Variants in PTPRD observed in about 807,000 individuals in gnomAD.
PTPRD encodes the protein receptor-type tyrosine-protein phosphatase delta.
PTPRD carries 34 observed loss-of-function variants against 214.5 expected under a neutral mutation model. That is an observed-to-expected ratio of 0.16 (90% CI 0.12 to 0.21). The LOEUF is 0.21. PTPRD is among the 10% of genes least tolerant of loss of function. PTPRD has a pLI of 1.00. For synonymous variants in PTPRD, 1,128 were observed against 845.7 expected, an observed-to-expected ratio of 1.33 and a Z score of -5.79; for missense variants, 2,545 against 2,398.7, an observed-to-expected ratio of 1.06 and a Z score of -1.27.
intron 2 of PTPRD, among the ~76,000 whole-genome samples, chr9:10,605,378 G>A (rs78946412): frequency 0.14 from 21,532 of 151,810 alleles, 1,731 homozygotes; most frequent in Non-Finnish European, 0.19. Context: ...GTGGTCTGGC[G>A]ATTTATTTGT....
chr9:9,757,739 AG>A (rs2098601331), intron 6 of PTPRD, among the ~76,000 whole-genome samples: 1 of 152,162 alleles, frequency 6.6e-6, no homozygotes, highest in Non-Finnish European at 1.5e-5. Flanking sequence ...AATATAAGAA[AG>A]GATATGCCTA....
At chr9:9,978,008 GA>G (rs1045284066) in intron 4 of PTPRD, among the ~76,000 whole-genome samples, 4 of 151,658 alleles carry the variant, frequency 2.6e-5, no homozygotes, top group African/African-American at 7.3e-5. Context: ...ATCAAACAAT[GA>G]AAAAAAGTCA....
At chr9:9,160,223 G>T (rs148829159) in intron 10 of PTPRD, among the ~76,000 whole-genome samples, 1 of 152,222 alleles carries the variant, frequency 6.6e-6, no homozygotes, top group East Asian at 1.9e-4. Flanking sequence ...CTTCTGCATA[G>T]CAAAGGAAAT....
intron 10 of PTPRD, among the ~76,000 whole-genome samples, chr9:9,114,186 A>T (rs1204697375): frequency 6.6e-6 from 1 of 152,166 alleles, no homozygotes; most frequent in Non-Finnish European, 1.5e-5. Flanking sequence ...GTTGCCTTTA[A>T]GGTCTGATTC....
chr9:8,938,407 A>G (rs148498089), intron 11 of PTPRD, among the ~76,000 whole-genome samples: 1 of 152,320 alleles, frequency 6.6e-6, no homozygotes, highest in Non-Finnish European at 1.5e-5. Flanking sequence ...GATGTGACAT[A>G]TAATCACATA....
intron 8 of PTPRD, among the ~76,000 whole-genome samples, chr9:9,404,645 G>C (rs912942485): frequency 1.3e-5 from 2 of 152,046 alleles, no homozygotes; most frequent in Non-Finnish European, 2.9e-5. Flanking sequence ...AGATACATGA[G>C]TACAAGTGTC....
chr9:8,605,658 G>C (rs557349581), intron 14 of PTPRD, among the ~76,000 whole-genome samples: 1 of 152,284 alleles, frequency 6.6e-6, no homozygotes, highest in South Asian at 2.1e-4. Context: ...AGGATGAAAG[G>C]AGAATGTACC....
At chr9:10,103,935 C>CA (rs1393316772) in intron 3 of PTPRD, among the ~76,000 whole-genome samples, 1 of 151,552 alleles carries the variant, frequency 6.6e-6, no homozygotes, top group Non-Finnish European at 1.5e-5. Flanking sequence ...AATGGATAAA[C>CA]AAAATAAATA....
intron 4 of PTPRD, among the ~76,000 whole-genome samples, chr9:9,968,546 G>A (rs1305314659): frequency 6.6e-6 from 1 of 152,174 alleles, no homozygotes; most frequent in Non-Finnish European, 1.5e-5. Flanking sequence ...AGAGAATGCT[G>A]TACTTTGGGA....
chr9:10,402,422 T>C (rs1482617164), intron 2 of PTPRD, among the ~76,000 whole-genome samples: 2 of 151,776 alleles, frequency 1.3e-5, no homozygotes, highest in African/African-American at 2.4e-5. Context: ...GTTTTATATC[T>C]ACTGAGCATC....
At chr9:9,714,891 T>C (rs375595696) in intron 7 of PTPRD, among the ~76,000 whole-genome samples, 203 of 152,262 alleles carry the variant, frequency 1.3e-3, no homozygotes, top group African/African-American at 4.6e-3. Context: ...TTGTGGTAAA[T>C]AGGGGGGTAA....
chr9:9,625,531 C>A (rs565583408), intron 7 of PTPRD, among the ~76,000 whole-genome samples: 1 of 151,490 alleles, frequency 6.6e-6, no homozygotes, highest in East Asian at 1.9e-4. Flanking sequence ...GAGGTGATTT[C>A]CTGACCAAAT....
chr9:9,540,797 T>A (rs1569569129), intron 8 of PTPRD, among the ~76,000 whole-genome samples: 1 of 151,758 alleles, frequency 6.6e-6, no homozygotes, highest in Admixed American at 6.6e-5. Context: ...AAGGGAAAAG[T>A]TATGGGCCCT....
At chr9:8,811,393 T>A (rs956292685) in intron 11 of PTPRD, among the ~76,000 whole-genome samples, 1 of 152,134 alleles carries the variant, frequency 6.6e-6, no homozygotes, top group Non-Finnish European at 1.5e-5. Context: ...GCACCTGGGT[T>A]AAGGTAGGAG....
rs541164919 is a variant in PTPRD at position 9,573,778 on chromosome 9, T to A, written c.-237+954A>T. Among the ~76,000 whole-genome samples, 40 of 151,978 alleles carry A rather than the reference T, an allele frequency of 2.6e-4. 1 individual carries two copies. The South Asian group carries it at 6.6e-3, about 25-fold the overall frequency. On this transcript the variant is annotated intron_variant, in intron 8 of 45. Transcript: ENST00000381196. ...CTTTCCTCCTATATGACACTTGTTT[T>A]AAACAATCCTATGTTATGTTGAGTG...
At chr9:8,743,581 C>G (rs1329620134) in intron 11 of PTPRD, among the ~76,000 whole-genome samples, 3 of 152,122 alleles carry the variant, frequency 2.0e-5, no homozygotes, top group African/African-American at 7.2e-5. Flanking sequence ...ATACCTCTCT[C>G]ACCTTATACA....
At chr9:9,579,198 C>A (rs1592085523) in intron 7 of PTPRD, among the ~76,000 whole-genome samples, 1 of 152,086 alleles carries the variant, frequency 6.6e-6, no homozygotes, top group Admixed American at 6.5e-5. Context: ...AGTCTAATAT[C>A]ATCTTAGTGG....
chr9:8,915,806 G>A (rs1355224221), intron 11 of PTPRD, among the ~76,000 whole-genome samples: 2 of 152,308 alleles, frequency 1.3e-5, no homozygotes, highest in East Asian at 3.9e-4. Flanking sequence ...ATCCACATTA[G>A]GAAGAGCAAG....
At chr9:8,790,270 C>T (rs754196147) in intron 11 of PTPRD, among the ~76,000 whole-genome samples, 1 of 152,072 alleles carries the variant, frequency 6.6e-6, no homozygotes, top group Non-Finnish European at 1.5e-5. Context: ...TCTACCTCTG[C>T]CTTCCAAAGC....
Sources: gnomAD v4.1 joint callset for allele counts (sites outside exome capture counted in the v4.1 genomes callset) on GRCh38, gnomAD v4.1.1 for gene constraint, MANE v1.5 for transcripts, NCBI Gene and HGNC (gene_info 2026-07-23, HGNC 2026-07-21) for gene names.